The following SMAD9 variants were observed in gnomAD, a reference collection of about 807,000 sequenced individuals.
SMAD9 encodes SMAD family member 9, also known as MAD homolog 9.
In SMAD9, 36 loss-of-function variants were observed where a neutral mutation model predicts 46.1. The ratio of observed to expected loss-of-function variants is 0.78; its 90% CI spans 0.60 to 1.03. The LOEUF (loss-of-function observed/expected upper bound fraction) is 1.03. Among genes scored for constraint, SMAD9 ranks in the 50% least tolerant of loss-of-function variants. SMAD9 has a pLI of 0.00. For missense variants in SMAD9, 572 were observed against 599.8 expected, an observed-to-expected ratio of 0.95 and a Z score of 0.48; for synonymous variants, 245 against 237.1, an observed-to-expected ratio of 1.03 and a Z score of -0.31.
At chr13:36,918,546 A>T (rs1363648668) in intron 1 of SMAD9, among the ~76,000 whole-genome samples, 2 of 152,210 alleles carry the variant, frequency 1.3e-5, no homozygotes, top group South Asian at 2.1e-4. Context: ...AATTGCTGTC[A>T]TCTTGTATTT....
In SMAD9 at chr13:36,867,395, CAGT is replaced by C. The variant is rs759781059; in HGVS notation, c.671-15_671-13del. ...GGGTGGTGTGTCAACTAAAAGAAAG[CAGT>C]AGAACAAAGGAATTGTCAAATCGAT... On this transcript the variant is annotated splice_polypyrimidine_tract_variant and intron_variant, in intron 3 of 6. Coordinates refer to ENST00000379826, the MANE Select transcript of SMAD9 (RefSeq NM_001127217.3). 2.0e-6 allele frequency: 3 copies of C among 1,505,486 alleles called. No homozygotes were observed. In the South Asian group the frequency reaches 3.7e-5, roughly 19 times the overall value. 93.3% of individuals were successfully genotyped at this position (1,505,486 alleles called of 1,614,324 possible). A position where few individuals can be genotyped will look rare whatever the true frequency, so the allele number is the denominator to read the frequency against.
At chr13:36,860,417 T>C (rs2058169453) in intron 5 of SMAD9, among the ~76,000 whole-genome samples, 1 of 151,760 alleles carries the variant, frequency 6.6e-6, no homozygotes, top group Non-Finnish European at 1.5e-5. Context: ...TGGTTATCAC[T>C]TATTTTCTCC....
At chr13:36,901,804 T>C (rs2058578626) in intron 1 of SMAD9, among the ~76,000 whole-genome samples, 1 of 152,242 alleles carries the variant, frequency 6.6e-6, no homozygotes, top group African/African-American at 2.4e-5. Context: ...ATGTCTTCTT[T>C]GGAAAAATAT....
chr13:36,883,451 A>AAAAT (rs1271967171), intron 1 of SMAD9, among the ~76,000 whole-genome samples: 1 of 152,230 alleles, frequency 6.6e-6, no homozygotes, highest in African/African-American at 2.4e-5. Flanking sequence ...ATCACAGTTA[A>AAAAT]AAATAAATAA....
rs544180685 is a variant in SMAD9, at chr13:36,878,649, A to G, written c.412+629T>C. On this transcript the variant is annotated intron_variant, in intron 2 of 6. Transcript: ENST00000379826. ...GGCTGTTTTCAGACCTAGACATGAG[A>G]TATCTTCTACTTACCTGAACTTGAA... is the stretch of plus-strand genomic sequence containing the variant. Among the ~76,000 whole-genome samples the G allele has an allele frequency of 9.2e-5, 14 of 152,238 alleles. No homozygotes were observed. In the South Asian group the frequency reaches 2.5e-3, roughly 27 times the overall value.
chr13:36,886,156 C>T (rs1434267691), intron 1 of SMAD9, among the ~76,000 whole-genome samples: 1 of 152,198 alleles, frequency 6.6e-6, no homozygotes, highest in Non-Finnish European at 1.5e-5. Flanking sequence ...CCAAGGAACA[C>T]AGAGATTAAG....
intron 1 of SMAD9, among the ~76,000 whole-genome samples, chr13:36,890,801 C>A (rs1259654457): frequency 6.6e-6 from 1 of 151,940 alleles, no homozygotes; most frequent in Non-Finnish European, 1.5e-5. Context: ...CTCTCACCCC[C>A]CACTCTCCCC....
At chr13:36,893,417 GATAT>G (rs376754668) in intron 1 of SMAD9, among the ~76,000 whole-genome samples, 27 of 144,940 alleles carry the variant, frequency 1.9e-4, no homozygotes, top group African/African-American at 6.4e-4. Context: ...CCCCTTCACA[GATAT>G]ATATATAAAT....
chr13:36,866,965 A>T (rs1250283900), intron 4 of SMAD9, among the ~76,000 whole-genome samples: 1 of 152,210 alleles, frequency 6.6e-6, no homozygotes, highest in Admixed American at 6.5e-5. Flanking sequence ...TAAAAACACA[A>T]ATAGAATAAA....
Position 36,920,155 on chromosome 13 carries a change from G to C in SMAD9, c.-226C>G, listed in dbSNP as rs2138747201. On this transcript the variant is annotated 5_prime_UTR_variant, in exon 1 of 7. Coordinates refer to ENST00000379826, the MANE Select transcript of SMAD9 (RefSeq NM_001127217.3). ...CGCCCAGCGCCTGCAGGGCCCGGCG[G>C]CGGCGGCGGGGACCGAGACAGCGGC... 1 of 154,108 alleles carries C rather than the reference G, an allele frequency of 6.5e-6. No individual in the cohort carries two copies. The highest frequency in any genetic ancestry group is 3.2e-3 in the Middle Eastern group (1 of 310). 9.5% of individuals were successfully genotyped at this position (154,108 alleles called of 1,614,324 possible).
At chr13:36,862,155 C>G (rs1406163525) in intron 5 of SMAD9, among the ~76,000 whole-genome samples, 1 of 152,166 alleles carries the variant, frequency 6.6e-6, no homozygotes, top group Non-Finnish European at 1.5e-5. Flanking sequence ...CTTCCTTGCT[C>G]TCTGTGTCAC....
At chr13:36,889,471 G>C (rs556913755) in intron 1 of SMAD9, among the ~76,000 whole-genome samples, 1 of 152,238 alleles carries the variant, frequency 6.6e-6, no homozygotes, top group African/African-American at 2.4e-5. Context: ...AGACAAATGA[G>C]AAAACAGAAG....
intron 1 of SMAD9, among the ~76,000 whole-genome samples, chr13:36,905,432 T>C (rs1240639939): frequency 6.6e-6 from 1 of 152,022 alleles, no homozygotes; most frequent in Admixed American, 6.6e-5. Context: ...TATATCAATA[T>C]GAAAAGGCAG....
chr13:36,852,351 G>GA, intron 6 of SMAD9: 9 of 985,146 alleles, frequency 9.1e-6, no homozygotes, highest in Non-Finnish European at 1.1e-5. Context: ...CACATACCCC[G>GA]ATACTTTGAT....
At chr13:36,917,663 T>C (rs981556169) in intron 1 of SMAD9, among the ~76,000 whole-genome samples, 1 of 152,204 alleles carries the variant, frequency 6.6e-6, no homozygotes. Context: ...AAAAACCACA[T>C]ATTTGTCATA....
At chr13:36,852,765 C>T (rs1472886957) in intron 6 of SMAD9, among the ~76,000 whole-genome samples, 1 of 152,114 alleles carries the variant, frequency 6.6e-6, no homozygotes, top group African/African-American at 2.4e-5. Flanking sequence ...ATAAATTCAC[C>T]AACATTCACT....
At chr13:36,864,802 G>C (rs774606972) in intron 5 of SMAD9, among the ~76,000 whole-genome samples, 19 of 152,190 alleles carry the variant, frequency 1.2e-4, no homozygotes, top group Non-Finnish European at 2.1e-4. Flanking sequence ...CTCCCTTCCC[G>C]AGGTGGCTTA....
At chr13:36,883,932 T>A (rs956853609) in intron 1 of SMAD9, among the ~76,000 whole-genome samples, 2 of 152,080 alleles carry the variant, frequency 1.3e-5, no homozygotes, top group Non-Finnish European at 2.9e-5. Flanking sequence ...CCCTCCTCAT[T>A]TGCAGATCAA....
At chr13:36,903,209 C>G (rs1466705642) in intron 1 of SMAD9, among the ~76,000 whole-genome samples, 1 of 150,888 alleles carries the variant, frequency 6.6e-6, no homozygotes, top group African/African-American at 2.4e-5. Context: ...TCACTGCAAC[C>G]TCCTCCTCCC....
Sources: allele counts gnomAD v4.1 joint callset (sites outside exome capture counted in the v4.1 genomes callset), GRCh38; gene constraint gnomAD v4.1.1; transcripts MANE v1.5; gene names NCBI Gene and HGNC (gene_info 2026-07-23, HGNC 2026-07-21).